The following C2orf66 variants were observed in gnomAD, a reference collection of about 807,000 sequenced individuals.
The protein encoded by C2orf66 is uncharacterized protein C2orf66.
Under a neutral mutation model 7.0 loss-of-function variants are expected in C2orf66, and 6 were observed. The observed-to-expected ratio is 0.86, with a 90% CI of 0.47 to 1.69. The LOEUF is 1.69. Among genes scored for constraint, C2orf66 ranks in the 40% most tolerant of loss-of-function variants. The pLI is 0.01. For synonymous variants in C2orf66, 38 were observed against 43.8 expected (o/e 0.87, Z 0.52); for missense variants, 107 against 112.0 (o/e 0.96, Z 0.20).
intron 2 of C2orf66, among the ~76,000 whole-genome samples, 162 bp from the exon 3 acceptor site, chr2:196,805,570 AATCAG>A (rs1243342344): frequency 1.3e-5 from 2 of 152,184 alleles, no homozygotes; most frequent in Admixed American, 6.5e-5. Context: ...ATATACTCCA[AATCAG>A]AAGCTTTGTT....
At chr2:196,808,603 C>A (rs1699840224) in intron 1 of C2orf66, among the ~76,000 whole-genome samples, 1 of 152,114 alleles carries the variant, frequency 6.6e-6, no homozygotes, top group South Asian at 2.1e-4. Context: ...TTATTTTAAT[C>A]CTATGTTGTT....
Position 196,809,272 on chromosome 2 carries a change from G to A in C2orf66, c.65C>T (p.Ala22Val). 6.2e-7 allele frequency: 1 copy of A among 1,614,126 alleles called. No individual in the cohort carries two copies. Among genetic ancestry groups the A allele is most frequent in the Non-Finnish European group, 8.5e-7 (1 of 1,180,014 alleles). Residue 22 changes from alanine to valine, a missense_variant, in exon 1 of 3, where the codon GCC (alanine) becomes GTC (valine). Physicochemically the swap from Ala to Val is moderately conservative, Grantham distance 64. Coordinates refer to ENST00000342506, the MANE Select transcript of C2orf66 (RefSeq NM_213608.3). ...ALVLLGHVNG[A>V]TVRNEDKWKP... Reference sequence around the variant, plus strand: ...CCATTTGTCCTCATTTCTTACTGTGGCTCCATTCACATGCCCAAGCAGCAC... The same window carrying A: ...CCATTTGTCCTCATTTCTTACTGTGACTCCATTCACATGCCCAAGCAGCAC...
chr2:196,809,412 GAGAGAA>G (rs756874734), upstream of C2orf66: 4 of 1,587,010 alleles, frequency 2.5e-6, no homozygotes, highest in Non-Finnish European at 3.4e-6. Flanking sequence ...AGGGAAGAGA[GAGAGAA>G]AGAGGAAACA....
At chr2:196,831,725 T>A in the C2orf66 span, among the ~76,000 whole-genome samples, 2 of 152,136 alleles carry the variant, frequency 1.3e-5, no homozygotes, top group Non-Finnish European at 2.9e-5. Context: ...ATAATTTATC[T>A]CCTAGCACAC....
the C2orf66 span, among the ~76,000 whole-genome samples, chr2:196,816,462 G>A: frequency 2.0e-4 from 31 of 152,276 alleles, no homozygotes; most frequent in Admixed American, 1.2e-3. Flanking sequence ...GAAATCTGTC[G>A]TATTCTTTGC....
the C2orf66 span, among the ~76,000 whole-genome samples, chr2:196,830,299 A>C: frequency 6.6e-6 from 1 of 152,176 alleles, no homozygotes; most frequent in African/African-American, 2.4e-5. Flanking sequence ...AGTGACCTGA[A>C]AATCTGTTTA....
upstream of C2orf66, among the ~76,000 whole-genome samples, chr2:196,813,775 A>T (rs1699898223): frequency 6.6e-6 from 1 of 152,250 alleles, no homozygotes; most frequent in Non-Finnish European, 1.5e-5. Flanking sequence ...ATATGAACAG[A>T]CACTTCTCAG....
chr2:196,820,512 A>G, the C2orf66 span, among the ~76,000 whole-genome samples: 2 of 152,370 alleles, frequency 1.3e-5, no homozygotes, highest in East Asian at 3.9e-4. Context: ...TATTGAATAC[A>G]TACTATGTGT....
At chr2:196,814,013 GA>G (rs996351424), upstream of C2orf66, among the ~76,000 whole-genome samples, 1 of 152,176 alleles carries the variant, frequency 6.6e-6, no homozygotes, top group African/African-American at 2.4e-5. Context: ...AGACAGTGTG[GA>G]AATTCCTCAA....
rs757694517 is a variant in C2orf66 at position 196,807,603 on chromosome 2, G to T, written c.143C>A (p.Ala48Glu). The T allele has an allele frequency of 6.2e-7, 1 of 1,607,684 alleles. No individual in the cohort carries two copies. The highest frequency in any genetic ancestry group is 1.1e-5 in the South Asian group (1 of 89,078). Residue 48 changes from alanine to glutamate, a missense_variant, in exon 2 of 3, where the codon GCA becomes GAA. Transcript: ENST00000342506. ...ATCAAGACCTCTGCCCTTAAAATAT[G>T]CCTGAAGCCTTCTGAAAAACTAAAG... ...NRDLFFRRLQAYFKGRGLDLG... is the reference protein window; with the variant it reads ...NRDLFFRRLQEYFKGRGLDLG...
chr2:196,825,489 A>G, the C2orf66 span, among the ~76,000 whole-genome samples: 1 of 152,186 alleles, frequency 6.6e-6, no homozygotes, highest in Non-Finnish European at 1.5e-5. Context: ...TGCATATGCT[A>G]ATTAGCTTGA....
upstream of C2orf66, among the ~76,000 whole-genome samples, chr2:196,811,776 G>T (rs1388829948): frequency 6.6e-6 from 1 of 152,194 alleles, no homozygotes; most frequent in South Asian, 2.1e-4. Flanking sequence ...AAGTGAATGA[G>T]ATTACCTCAG....
At chr2:196,830,955 A>G in the C2orf66 span, among the ~76,000 whole-genome samples, 4 of 152,298 alleles carry the variant, frequency 2.6e-5, no homozygotes, top group East Asian at 7.7e-4. Context: ...TATCTCTCTA[A>G]TTCACATAGA....
chr2:196,830,584 TG>T, the C2orf66 span, among the ~76,000 whole-genome samples: 5 of 152,238 alleles, frequency 3.3e-5, no homozygotes, highest in African/African-American at 4.8e-5. Flanking sequence ...CTTCAGTTCT[TG>T]TAAGAGGAGC....
chr2:196,814,254 G>A (rs1458278859), upstream of C2orf66, among the ~76,000 whole-genome samples: 2 of 152,158 alleles, frequency 1.3e-5, no homozygotes, highest in East Asian at 1.9e-4. Flanking sequence ...AAAAAAGGAT[G>A]AGTTCATGTC....
At chr2:196,827,875 T>C in the C2orf66 span, among the ~76,000 whole-genome samples, 2 of 152,216 alleles carry the variant, frequency 1.3e-5, no homozygotes, top group Admixed American at 6.5e-5. Context: ...CAAATGGGCA[T>C]GTAGCTCTGC....
the C2orf66 span, among the ~76,000 whole-genome samples, chr2:196,826,758 C>T: frequency 1.1e-3 from 161 of 152,164 alleles, 1 homozygote; most frequent in African/African-American, 3.5e-3. Flanking sequence ...TGAGGCCAGG[C>T]GCAGTGGCTC....
At chr2:196,827,371 G>A in the C2orf66 span, among the ~76,000 whole-genome samples, 9 of 151,874 alleles carry the variant, frequency 5.9e-5, no homozygotes, top group East Asian at 1.5e-3. Context: ...GCAACTATAT[G>A]ACAAACTTTT....
intron 1 of C2orf66, among the ~76,000 whole-genome samples, chr2:196,808,543 C>T (rs1172387257): frequency 6.6e-6 from 1 of 152,188 alleles, no homozygotes; most frequent in African/African-American, 2.4e-5. Context: ...ATCCTGTTTT[C>T]GTCAGCAGCT....
Sources: gnomAD v4.1 joint callset for allele counts (sites outside exome capture counted in the v4.1 genomes callset) on GRCh38, gnomAD v4.1.1 for gene constraint, MANE v1.5 for transcripts, NCBI Gene and HGNC (gene_info 2026-07-23, HGNC 2026-07-21) for gene names.